The following RAPGEF5 variants were observed in gnomAD, a reference collection of about 807,000 sequenced individuals.
RAPGEF5 encodes the protein M-Ras-regulated GEF.
A neutral mutation model predicts 125.2 loss-of-function variants in RAPGEF5; 65 were observed. The ratio of observed to expected loss-of-function variants is 0.52; its 90% CI spans 0.43 to 0.64. The LOEUF (loss-of-function observed/expected upper bound fraction) is 0.64. RAPGEF5 is among the 30% of genes least tolerant of loss of function. The pLI is 0.00. For missense variants in RAPGEF5, 958 were observed against 1,048.1 expected (o/e 0.91, Z 1.19); for synonymous variants, 391 against 385.9 (o/e 1.01, Z -0.16).
chr7:22,202,957 GCCAT>G, intron 9 of RAPGEF5: 2 of 323,032 alleles, frequency 6.2e-6, no homozygotes, highest in African/African-American at 2.2e-5. Context: ...GTAACTGTAT[GCCAT>G]CCAAGTATAC....
At position 22,152,206 on chromosome 7, in the gene RAPGEF5, C is replaced by A. The variant is rs907776678; in HGVS notation, c.1787-1702G>T. Among the ~76,000 whole-genome samples the A allele has an allele frequency of 7.9e-5, 12 of 152,248 alleles. No homozygotes were observed. The East Asian group carries it at 2.1e-3, about 27-fold the overall frequency. On this transcript the variant is annotated intron_variant, in intron 17 of 25. Transcript: ENST00000665637. ...TAATAATCTAATATATTCTTTACGG[C>A]CCAGCATTATAAAGATCCACAGTAC... is the stretch of plus-strand genomic sequence containing the variant.
chr7:22,133,402 G>C (rs1030337522), intron 23 of RAPGEF5, among the ~76,000 whole-genome samples: 9 of 152,168 alleles, frequency 5.9e-5, no homozygotes, highest in African/African-American at 2.2e-4. Context: ...AAAAAACGAA[G>C]ATGTCAGAAT....
intron 6 of RAPGEF5, among the ~76,000 whole-genome samples, chr7:22,268,537 T>C (rs930983414): frequency 3.3e-5 from 5 of 152,248 alleles, no homozygotes; most frequent in Non-Finnish European, 5.9e-5. Context: ...TTTAGGATTT[T>C]CTTCATTCAC....
At chr7:22,209,163 T>C (rs989462663) in intron 9 of RAPGEF5, among the ~76,000 whole-genome samples, 1 of 152,234 alleles carries the variant, frequency 6.6e-6, no homozygotes, top group Non-Finnish European at 1.5e-5. Flanking sequence ...TGGCATTTAA[T>C]AGTTCAACAA....
intron 2 of RAPGEF5, among the ~76,000 whole-genome samples, chr7:22,316,485 ATATATTTT>A (rs1488775488): frequency 6.1e-4 from 18 of 29,584 alleles, no homozygotes; most frequent in African/African-American, 2.0e-3. Flanking sequence ...ATATATATAT[ATATATTTT>A]TTTTTTTTTT....
chr7:22,247,883 A>G (rs1449755718), intron 7 of RAPGEF5, among the ~76,000 whole-genome samples: 1 of 152,222 alleles, frequency 6.6e-6, no homozygotes, highest in East Asian at 1.9e-4. Context: ...ACAGAAAACC[A>G]AATACTGCAT....
chr7:22,201,472 G>A lies in RAPGEF5; in HGVS notation c.997-7439C>T, dbSNP rs113988659. On this transcript the variant is annotated intron_variant, in intron 9 of 25. Coordinates refer to ENST00000665637, the MANE Select transcript of RAPGEF5 (RefSeq NM_012294.5). ...CAGTTTCCAGAGACGCTTGTGTTAA[G>A]TTTTCATTAATTTAGACTACACCAT... Among the ~76,000 whole-genome samples the A allele has an allele frequency of 1.6e-3, 240 of 152,346 alleles. 3 individuals carry two copies. The highest frequency in any genetic ancestry group is 5.6e-3 in the African/African-American group (232 of 41,584).
chr7:22,143,363 C>T (rs563327975), intron 20 of RAPGEF5, among the ~76,000 whole-genome samples: 2 of 152,262 alleles, frequency 1.3e-5, no homozygotes, highest in East Asian at 3.9e-4. Context: ...TACAGTTCAA[C>T]GTGCTAGTTT....
chr7:22,184,309 C>T (rs1390964004), intron 11 of RAPGEF5, among the ~76,000 whole-genome samples: 1 of 152,196 alleles, frequency 6.6e-6, no homozygotes, highest in African/African-American at 2.4e-5. Context: ...ATTCATCTCT[C>T]CACATAGTTC....
At chr7:22,256,860 A>C (rs1192017331) in intron 7 of RAPGEF5, among the ~76,000 whole-genome samples, 3 of 152,232 alleles carry the variant, frequency 2.0e-5, no homozygotes, top group Admixed American at 6.5e-5. Context: ...ATTTCTGCAA[A>C]TCTTATGAAG....
intron 10 of RAPGEF5, 126 bp downstream of exon 10, chr7:22,193,789 G>C (rs775405638): frequency 2.5e-6 from 4 of 1,603,366 alleles, no homozygotes; most frequent in Non-Finnish European, 3.4e-6. Flanking sequence ...TGGAGAGGCG[G>C]AGAGAAAAGA....
chr7:22,283,604 T>A (rs1782726132), intron 6 of RAPGEF5, among the ~76,000 whole-genome samples: 1 of 152,228 alleles, frequency 6.6e-6, no homozygotes, highest in East Asian at 1.9e-4. Flanking sequence ...TCCGTCGGCT[T>A]CTTTCAGAGA....
intron 7 of RAPGEF5, among the ~76,000 whole-genome samples, chr7:22,239,906 C>T (rs116508445): frequency 6.6e-6 from 1 of 152,000 alleles, no homozygotes; most frequent in Non-Finnish European, 1.5e-5. Flanking sequence ...AGGAAATGTA[C>T]TGGAAAAAAG....
At chr7:22,156,921 A>C in intron 15 of RAPGEF5, 33 bp from the exon 16 acceptor site, 1 of 1,613,566 alleles carries the variant, frequency 6.2e-7, no homozygotes, top group Non-Finnish European at 8.5e-7. Context: ...CAATGAATGA[A>C]TACATTCCTG....
intron 1 of RAPGEF5, among the ~76,000 whole-genome samples, chr7:22,341,914 T>C (rs191453582): frequency 2.0e-5 from 3 of 152,330 alleles, no homozygotes; most frequent in South Asian, 2.1e-4. Flanking sequence ...AGATCTACCA[T>C]TCTGGGGTCT....
At chr7:22,289,425 A>C (rs1043252291) in intron 6 of RAPGEF5, among the ~76,000 whole-genome samples, 3 of 152,220 alleles carry the variant, frequency 2.0e-5, no homozygotes, top group African/African-American at 7.2e-5. Flanking sequence ...TTTCGTATCT[A>C]TAAAATAGAC....
chr7:22,204,938 G>A (rs1275051432), intron 9 of RAPGEF5, among the ~76,000 whole-genome samples: 1 of 152,288 alleles, frequency 6.6e-6, no homozygotes, highest in East Asian at 1.9e-4. Flanking sequence ...GCTTGCATAG[G>A]GGTAGATCTC....
rs142054449 is a variant in RAPGEF5 at position 22,304,164 on chromosome 7, G to A, written c.680+4175C>T. ...TACCATAACATAAAAGTTGGCTTAT[G>A]ATGGTAGTATTGAAAAAAAAAAGGT... On this transcript the variant is annotated intron_variant, in intron 5 of 25. Coordinates refer to ENST00000665637, the MANE Select transcript of RAPGEF5 (RefSeq NM_012294.5). 5.0e-3 allele frequency among the ~76,000 whole-genome samples: 756 copies of A among 151,944 alleles called. 5 individuals carry two copies. Among genetic ancestry groups the A allele is most frequent in the Non-Finnish European group, 8.8e-3 (596 of 67,972 alleles).
At chr7:22,243,819 G>C (rs768658816) in intron 7 of RAPGEF5, among the ~76,000 whole-genome samples, 3 of 152,092 alleles carry the variant, frequency 2.0e-5, no homozygotes, top group Admixed American at 6.5e-5. Context: ...TTTTGAAATA[G>C]ATACTACATT....
Sources: allele counts gnomAD v4.1 joint callset (sites outside exome capture counted in the v4.1 genomes callset), GRCh38; gene constraint gnomAD v4.1.1; transcripts MANE v1.5; gene names NCBI Gene and HGNC (gene_info 2026-07-23, HGNC 2026-07-21).